Variants in ATP8A2 observed in about 807,000 individuals in gnomAD.
ATP8A2 encodes ATPase phospholipid transporting 8A2.
Under a neutral mutation model 165.6 loss-of-function variants are expected in ATP8A2, and 100 were observed. That is an observed-to-expected ratio of 0.60 (90% CI 0.51 to 0.71). The LOEUF (loss-of-function observed/expected upper bound fraction) is 0.71. Among genes scored for constraint, ATP8A2 ranks in the 30% least tolerant of loss-of-function variants. The pLI is 0.00. For missense variants in ATP8A2, 1,227 were observed against 1,479.5 expected (o/e 0.83, Z 2.80); for synonymous variants, 543 against 548.8 (o/e 0.99, Z 0.15).
chr13:25,906,375 T>G (rs1413278560), intron 33 of ATP8A2, among the ~76,000 whole-genome samples: 1 of 151,874 alleles, frequency 6.6e-6, no homozygotes, highest in Non-Finnish European at 1.5e-5. Context: ...ATTGTGTCAC[T>G]CTGCTCAGAA....
Position 25,785,402 on chromosome 13 carries a change from C to A in ATP8A2, c.2679+10443C>A, listed in dbSNP as rs552064131. On this transcript the variant is annotated intron_variant, in intron 27 of 36. Transcript: ENST00000381655. ...TAATAATAATAATTTTGATTGAATT[C>A]TTTAAACACATTTCTACCTTAATAG... Among the ~76,000 whole-genome samples the A allele has an allele frequency of 3.3e-5, 5 of 152,198 alleles. No homozygotes were observed. The South Asian group carries it at 1.0e-3, about 32-fold the overall frequency.
chr13:25,617,581 C>T lies in ATP8A2; in HGVS notation c.2211+27882C>T, dbSNP rs570581256. ...AACTCTTTTAAGTTCGGTACAGAAA[C>T]AAGGACTAGATAGTTGTCTCACTAA... On this transcript the variant is annotated intron_variant, in intron 24 of 36. Transcript: ENST00000381655. 7.2e-5 allele frequency among the ~76,000 whole-genome samples: 11 copies of T among 152,272 alleles called. No individual in the cohort carries two copies. In the South Asian group the frequency reaches 1.4e-3, roughly 20 times the overall value.
At chr13:25,910,595 A>G (rs1954074559) in intron 33 of ATP8A2, among the ~76,000 whole-genome samples, 1 of 152,132 alleles carries the variant, frequency 6.6e-6, no homozygotes, top group Admixed American at 6.5e-5. Flanking sequence ...TAATTTCTGT[A>G]TTGGAAAAAC....
At chr13:25,892,046 G>C (rs924201654) in intron 33 of ATP8A2, among the ~76,000 whole-genome samples, 11 of 151,652 alleles carry the variant, frequency 7.3e-5, no homozygotes, top group African/African-American at 2.4e-4. Context: ...GAGTGCAGGG[G>C]CGCGATCTTG....
Position 25,574,876 on chromosome 13 carries a change from C to A in ATP8A2, c.1712+19C>A, listed in dbSNP as rs756348057. ...TTTCTAGGTATGTTTCTCTTTCATA[C>A]GTTTGAAATAAAATAATTATATTTA... On this transcript the variant is annotated intron_variant, in intron 19 of 36. Coordinates refer to ENST00000381655, the MANE Select transcript of ATP8A2 (RefSeq NM_016529.6). 4 of 1,363,220 alleles carry A rather than the reference C, an allele frequency of 2.9e-6. No individual in the cohort carries two copies. Among genetic ancestry groups the A allele is most frequent in the Non-Finnish European group, 4.2e-6 (4 of 957,228 alleles). The allele number at this position is 1,363,220 out of a possible 1,614,324, so 84.4% of individuals were successfully genotyped here. A position where few individuals can be genotyped will look rare whatever the true frequency, so the allele number is the denominator to read the frequency against.
chr13:25,937,572 G>A (rs568561426), intron 33 of ATP8A2, among the ~76,000 whole-genome samples: 5 of 150,632 alleles, frequency 3.3e-5, no homozygotes, highest in African/African-American at 7.3e-5. Flanking sequence ...AAAGACAGGC[G>A]GGAGCGGTGG....
intron 25 of ATP8A2, among the ~76,000 whole-genome samples, chr13:25,731,511 A>G (rs192339898): frequency 6.8e-6 from 1 of 147,816 alleles, no homozygotes; most frequent in Non-Finnish European, 1.5e-5. Flanking sequence ...CTTCCCAAAC[A>G]CTTTTGGCCA....
At chr13:25,383,888 G>C (rs1435560947) in intron 1 of ATP8A2, among the ~76,000 whole-genome samples, 1 of 152,060 alleles carries the variant, frequency 6.6e-6, no homozygotes, top group Non-Finnish European at 1.5e-5. Context: ...ATCTGAGTTG[G>C]TTCCAGAGAG....
intron 25 of ATP8A2, among the ~76,000 whole-genome samples, chr13:25,745,307 A>G (rs1285446293): frequency 6.6e-6 from 1 of 152,200 alleles, no homozygotes; most frequent in East Asian, 1.9e-4. Flanking sequence ...CATAGAACTC[A>G]GCTTGCTCCT....
intron 24 of ATP8A2, among the ~76,000 whole-genome samples, chr13:25,663,920 A>C (rs2042099697): frequency 6.6e-6 from 1 of 152,206 alleles, no homozygotes; most frequent in South Asian, 2.1e-4. Flanking sequence ...AACTATAGAA[A>C]TTAGACGGCC....
chr13:25,541,963 G>T lies in ATP8A2; in HGVS notation c.696G>T (p.Met232Ile), dbSNP rs754068538. The T allele has an allele frequency of 6.2e-7, 1 of 1,613,942 alleles. No individual in the cohort carries two copies. The highest frequency in any genetic ancestry group is 8.5e-7 in the Non-Finnish European group (1 of 1,179,972). Residue 232 changes from methionine (M) to isoleucine (I), a missense_variant, in exon 9 of 37, where the codon ATG becomes ATT. Around this residue, in one of 5 missense-constraint regions of ATP8A2, gnomAD observed 356 missense variants for 394.9 expected, o/e 0.90. Coordinates refer to ENST00000381655, the MANE Select transcript of ATP8A2 (RefSeq NM_016529.6). ...ACATGCAAACACGTGAAGTTCTGAT[G>T]AAGTTATCTGGAACTATAGAGTGTG... ...TADMQTREVL[M>I]KLSGTIECEG... is the part of the protein sequence containing the mutation.
intron 24 of ATP8A2, among the ~76,000 whole-genome samples, chr13:25,603,448 G>GT (rs1399235879): frequency 2.0e-5 from 3 of 150,108 alleles, no homozygotes; most frequent in Non-Finnish European, 4.4e-5. Context: ...TCGAGCCTGG[G>GT]TGACAGAATG....
intron 35 of ATP8A2, among the ~76,000 whole-genome samples, chr13:25,992,208 C>T (rs1593683325): frequency 6.8e-6 from 1 of 146,710 alleles, no homozygotes; most frequent in East Asian, 2.0e-4. Flanking sequence ...TGCCAGCATT[C>T]AGTGCTGTCC....
chr13:26,019,805 C>CA (rs200141078), intron 36 of ATP8A2, 83 bp from the exon 37 acceptor site: 182 of 990,008 alleles, frequency 1.8e-4, no homozygotes, highest in Middle Eastern at 1.3e-3. Context: ...CGCACGCTGC[C>CA]AAAAAAAAGC....
intron 33 of ATP8A2, among the ~76,000 whole-genome samples, chr13:25,865,425 A>G (rs1952480514): frequency 6.6e-6 from 1 of 152,230 alleles, no homozygotes; most frequent in African/African-American, 2.4e-5. Context: ...CTCAGAAGCC[A>G]GAAAGAGATT....
intron 24 of ATP8A2, among the ~76,000 whole-genome samples, chr13:25,630,495 TTCACATGCA>T (rs2137510152): frequency 6.6e-6 from 1 of 152,240 alleles, no homozygotes; most frequent in East Asian, 1.9e-4. Flanking sequence ...TAATCCTCAT[TTCACATGCA>T]TCACTGTTCT....
chr13:25,475,515 T>C (rs1207415479), intron 2 of ATP8A2, among the ~76,000 whole-genome samples: 1 of 152,244 alleles, frequency 6.6e-6, no homozygotes, highest in Non-Finnish European at 1.5e-5. Context: ...AGGACTTATG[T>C]TCCTCTTGGT....
intron 25 of ATP8A2, among the ~76,000 whole-genome samples, chr13:25,704,240 C>T (rs1406092965): frequency 6.6e-6 from 1 of 152,078 alleles, no homozygotes; most frequent in Non-Finnish European, 1.5e-5. Context: ...TGATTCTAAA[C>T]AGCAGTCAGG....
chr13:25,909,930 CTG>C (rs1221107107), intron 33 of ATP8A2, among the ~76,000 whole-genome samples: 2 of 152,148 alleles, frequency 1.3e-5, no homozygotes, highest in Non-Finnish European at 2.9e-5. Flanking sequence ...ATTTCACTGA[CTG>C]TGTTTTCTAG....
Sources: allele counts gnomAD v4.1 joint callset (sites outside exome capture counted in the v4.1 genomes callset), GRCh38; gene constraint gnomAD v4.1.1; regional missense constraint gnomAD v4.1.1; transcripts MANE v1.5; gene names NCBI Gene and HGNC (gene_info 2026-07-23, HGNC 2026-07-21).